Variants in KIAA1958 observed in about 807,000 individuals in gnomAD.
KIAA1958 encodes uncharacterized protein KIAA1958.
In KIAA1958, 14 loss-of-function variants were observed where a neutral mutation model predicts 47.2. That is an observed-to-expected ratio of 0.30 (90% CI 0.20 to 0.46). KIAA1958 has a LOEUF of 0.46. Ranked by LOEUF, KIAA1958 falls within the 20% of genes least tolerant of loss-of-function variation. The probability of loss-of-function intolerance (pLI) is 1.00; values close to 1 mark genes in which losing one functional copy is unlikely to be tolerated. For synonymous variants in KIAA1958, 354 were observed against 353.3 expected, an observed-to-expected ratio of 1.00 and a Z score of -0.02; for missense variants, 803 against 909.2, an observed-to-expected ratio of 0.88 and a Z score of 1.50.
rs1837303605 is a variant in KIAA1958 at position 112,662,936 on chromosome 9, C to T, written c.*2867C>T. 1 of 152,200 alleles carries T rather than the reference C, an allele frequency of 6.6e-6. No individual in the cohort carries two copies. Among genetic ancestry groups the T allele is most frequent in the African/African-American group, 2.4e-5 (1 of 41,442 alleles). The allele number at this position is 152,200 out of a possible 1,614,324, so 9.4% of individuals were successfully genotyped here. ...GGCTTCCAGTCAGCTCTAAACCTTA[C>T]CTTCTGGGGACTCCAGGATTTTCTG... On this transcript the variant is annotated 3_prime_UTR_variant, in exon 4 of 4. Transcript: ENST00000337530.
chr9:112,604,298 G>C (rs1439599074), intron 2 of KIAA1958, among the ~76,000 whole-genome samples: 1 of 152,192 alleles, frequency 6.6e-6, no homozygotes, highest in Non-Finnish European at 1.5e-5. Flanking sequence ...GCTATCCTGA[G>C]CCAGTGCTGA....
chr9:112,536,560 C>T (rs931906995), intron 1 of KIAA1958, among the ~76,000 whole-genome samples: 4 of 152,110 alleles, frequency 2.6e-5, no homozygotes, highest in Admixed American at 2.0e-4. Flanking sequence ...CAGAAACAGA[C>T]CCACACATCT....
chr9:112,583,742 G>A (rs1038794396), intron 2 of KIAA1958, among the ~76,000 whole-genome samples: 1 of 152,100 alleles, frequency 6.6e-6, no homozygotes. Context: ...TGAACATTAC[G>A]ATGTAGTGTG....
intron 3 of KIAA1958, among the ~76,000 whole-genome samples, chr9:112,656,729 AT>A (rs200548697): frequency 0.085 from 12,924 of 152,218 alleles, 689 homozygotes; most frequent in Non-Finnish European, 0.12. Context: ...TTTAGGAACA[AT>A]ATACATCTTT....
At chr9:112,558,535 C>T (rs1307405336) in intron 1 of KIAA1958, among the ~76,000 whole-genome samples, 1 of 152,164 alleles carries the variant, frequency 6.6e-6, no homozygotes, top group Admixed American at 6.5e-5. Context: ...AGTGGTATGG[C>T]CCCAAATTGG....
chr9:112,637,231 C>T (rs2131235628), intron 2 of KIAA1958, among the ~76,000 whole-genome samples: 1 of 152,276 alleles, frequency 6.6e-6, no homozygotes, highest in East Asian at 1.9e-4. Flanking sequence ...CATATTCACA[C>T]TTTCCAATAT....
chr9:112,562,633 G>A (rs766761901), intron 1 of KIAA1958, among the ~76,000 whole-genome samples: 15 of 152,152 alleles, frequency 9.9e-5, no homozygotes, highest in Non-Finnish European at 1.8e-4. Context: ...GCTTTTATCT[G>A]CGTTGGTCAG....
At chr9:112,526,946 C>A (rs1219822125) in intron 1 of KIAA1958, among the ~76,000 whole-genome samples, 2 of 152,206 alleles carry the variant, frequency 1.3e-5, no homozygotes, top group African/African-American at 4.8e-5. Context: ...GAAGTTACTG[C>A]TTCTACAGCC....
intron 1 of KIAA1958, among the ~76,000 whole-genome samples, chr9:112,493,457 A>C (rs1284174359): frequency 6.6e-6 from 1 of 152,198 alleles, no homozygotes; most frequent in East Asian, 1.9e-4. Flanking sequence ...CCAGAAATTT[A>C]GGAGTTATCT....
chr9:112,619,376 C>T (rs2131218019), intron 2 of KIAA1958, among the ~76,000 whole-genome samples: 1 of 152,224 alleles, frequency 6.6e-6, no homozygotes, highest in East Asian at 1.9e-4. Flanking sequence ...CAAGAGGAGA[C>T]ATTAACTTTA....
At chr9:112,599,781 C>G (rs1208231754) in intron 2 of KIAA1958, among the ~76,000 whole-genome samples, 1 of 152,154 alleles carries the variant, frequency 6.6e-6, no homozygotes, top group South Asian at 2.1e-4. Context: ...ATATCAAAGT[C>G]TGATGGCAGC....
chr9:112,563,043 T>TTC (rs1023666527), intron 1 of KIAA1958, among the ~76,000 whole-genome samples: 74 of 131,916 alleles, frequency 5.6e-4, no homozygotes, highest in Non-Finnish European at 8.1e-4. Context: ...CTCTCTCTCT[T>TTC]TCTCTCTCTC....
intron 1 of KIAA1958, among the ~76,000 whole-genome samples, chr9:112,519,399 T>C (rs1363429392): frequency 2.0e-5 from 3 of 152,212 alleles, no homozygotes; most frequent in Admixed American, 1.3e-4. Context: ...CAGGGTCCGA[T>C]TGGAAGTTTT....
chr9:112,525,937 T>C (rs866881621), intron 1 of KIAA1958, among the ~76,000 whole-genome samples: 2 of 6,476 alleles, frequency 3.1e-4, no homozygotes, highest in Admixed American at 1.5e-3. Context: ...CTTCTTCTTC[T>C]TCTTCTTCTT....
intron 1 of KIAA1958, among the ~76,000 whole-genome samples, chr9:112,544,349 C>CA (rs1199519285): frequency 2.6e-5 from 4 of 152,192 alleles, no homozygotes; most frequent in Non-Finnish European, 5.9e-5. Flanking sequence ...CACTATAACT[C>CA]ATGCCATGCT....
At chr9:112,531,806 C>T (rs1362974557) in intron 1 of KIAA1958, among the ~76,000 whole-genome samples, 1 of 152,220 alleles carries the variant, frequency 6.6e-6, no homozygotes, top group Non-Finnish European at 1.5e-5. Flanking sequence ...TGGATTTTCA[C>T]TTTATCCACA....
chr9:112,656,969 ACTCT>A (rs1413994137), intron 3 of KIAA1958, among the ~76,000 whole-genome samples: 2 of 151,022 alleles, frequency 1.3e-5, no homozygotes, highest in Non-Finnish European at 3.0e-5. Context: ...CTCCTTTCTC[ACTCT>A]CTTTATAAAA....
Position 112,661,689 on chromosome 9 carries a change from G to A in KIAA1958, c.*1620G>A, listed in dbSNP as rs943117371. On this transcript the variant is annotated 3_prime_UTR_variant, in exon 4 of 4. Coordinates refer to ENST00000337530, the MANE Select transcript of KIAA1958 (RefSeq NM_133465.4). The stretch of plus-strand genomic sequence containing the variant: ...ATGTTATTCCCTTTTTAGTCACTGT[G>A]CATTTATAAGTTTGTTTACTAGTTG... 6.6e-6 allele frequency: 1 copy of A among 152,144 alleles called. No homozygotes were observed. Among genetic ancestry groups the A allele is most frequent in the Non-Finnish European group, 1.5e-5 (1 of 68,018 alleles). 9.4% of individuals were successfully genotyped at this position (152,144 alleles called of 1,614,324 possible). A position where few individuals can be genotyped will look rare whatever the true frequency, so the allele number is the denominator to read the frequency against.
At position 112,645,692 on chromosome 9, in the gene KIAA1958, A is replaced by G. The variant is rs749770525; in HGVS notation, c.1214A>G (p.Asn405Ser). The change falls in exon 3 of 4, where the codon AAT becomes AGT. Residue 405 changes from asparagine to serine, a missense_variant. This residue lies in a region of KIAA1958 where 761 missense variants were observed against 829.3 expected (regional missense o/e 0.92). Transcript: ENST00000337530. ...KLNKFPVFNINDDLNDLCTSA... is the reference protein window; with the variant it reads ...KLNKFPVFNISDDLNDLCTSA... ...AACAAATTTCCTGTATTTAATATTA[A>G]TGATGACTTGAATGATCTGTGTACC... The G allele has an allele frequency of 7.4e-6, 12 of 1,612,366 alleles. No individual in the cohort carries two copies. The highest frequency in any genetic ancestry group is 7.6e-6 in the Non-Finnish European group (9 of 1,179,092).
Sources: allele counts gnomAD v4.1 joint callset (sites outside exome capture counted in the v4.1 genomes callset), GRCh38; gene constraint gnomAD v4.1.1; regional missense constraint gnomAD v4.1.1; transcripts MANE v1.5; gene names NCBI Gene and HGNC (gene_info 2026-07-23, HGNC 2026-07-21).